TOX: variants seen among roughly 807,000 people sequenced by gnomAD.
TOX encodes thymocyte selection-associated high mobility group box protein TOX.
Under a neutral mutation model 53.7 loss-of-function variants are expected in TOX, and 11 were observed. The observed-to-expected ratio is 0.20, with a 90% confidence interval of 0.13 to 0.34. The LOEUF is 0.34. Ranked by LOEUF, TOX falls within the 10% of genes least tolerant of loss-of-function variation. TOX has a pLI of 1.00. For synonymous variants in TOX, 225 were observed against 245.3 expected, an observed-to-expected ratio of 0.92 and a Z score of 0.77; for missense variants, 570 against 664.6, an observed-to-expected ratio of 0.86 and a Z score of 1.56.
chr8:58,932,363 T>A (rs902381729), intron 3 of TOX, among the ~76,000 whole-genome samples: 1 of 152,202 alleles, frequency 6.6e-6, no homozygotes, highest in African/African-American at 2.4e-5. Context: ...ATCATTTTTC[T>A]TCTGTTAAAG....
At chr8:58,962,495 G>C (rs1246343246) in intron 1 of TOX, among the ~76,000 whole-genome samples, 1 of 152,180 alleles carries the variant, frequency 6.6e-6, no homozygotes, top group Non-Finnish European at 1.5e-5. Context: ...GAGAGGTAGG[G>C]CTGGGATGCA....
At chr8:58,870,309 C>G (rs1008430106) in intron 3 of TOX, among the ~76,000 whole-genome samples, 7 of 151,938 alleles carry the variant, frequency 4.6e-5, no homozygotes, top group Admixed American at 4.6e-4. Flanking sequence ...CAACAGCACT[C>G]CAAAAATGAA....
intron 1 of TOX, among the ~76,000 whole-genome samples, chr8:59,009,437 A>G (rs1013961074): frequency 4.6e-5 from 7 of 150,612 alleles, no homozygotes; most frequent in African/African-American, 1.7e-4. Flanking sequence ...CAGTGGTGCC[A>G]TCTCGGCTCA....
At chr8:58,950,153 A>C (rs1179557805) in intron 2 of TOX, among the ~76,000 whole-genome samples, 3 of 111,906 alleles carry the variant, frequency 2.7e-5, no homozygotes, top group Non-Finnish European at 3.7e-5. Context: ...ATACAATTAC[A>C]TGTGTATAGT....
chr8:59,043,351 A>C (rs1803627893), intron 1 of TOX, among the ~76,000 whole-genome samples: 1 of 151,804 alleles, frequency 6.6e-6, no homozygotes, highest in South Asian at 2.1e-4. Context: ...GCTTTATTTT[A>C]AATTATGTTT....
intron 1 of TOX, among the ~76,000 whole-genome samples, chr8:58,964,672 T>C (rs1410313669): frequency 6.6e-6 from 1 of 152,186 alleles, no homozygotes; most frequent in Non-Finnish European, 1.5e-5. Flanking sequence ...ATTGAATAAA[T>C]AGACTTTGTA....
intron 1 of TOX, among the ~76,000 whole-genome samples, chr8:59,084,330 T>A (rs975069474): frequency 5.3e-5 from 8 of 152,120 alleles, no homozygotes; most frequent in African/African-American, 1.9e-4. Context: ...TCTATTTACT[T>A]TTTAGAAAAA....
Position 58,956,313 on chromosome 8 carries a change from C to T in TOX, c.168+3630G>A, listed in dbSNP as rs115774427. 4.8e-3 allele frequency among the ~76,000 whole-genome samples: 725 copies of T among 152,216 alleles called. 3 individuals are homozygous for T. Among genetic ancestry groups the T allele is most frequent in the African/African-American group, 0.017 (698 of 41,540 alleles). Reference sequence around the variant, plus strand: ...GGAGATAAGAGAACCCCATAGCATGCGTATCTGAGTGGGCTGAGAAAATTC... The same window carrying T: ...GGAGATAAGAGAACCCCATAGCATGTGTATCTGAGTGGGCTGAGAAAATTC... On this transcript the variant is annotated intron_variant, in intron 2 of 8. Coordinates refer to ENST00000361421, the MANE Select transcript of TOX (RefSeq NM_014729.3).
chr8:58,996,604 T>C (rs887769510), intron 1 of TOX, among the ~76,000 whole-genome samples: 1 of 152,240 alleles, frequency 6.6e-6, no homozygotes, highest in African/African-American at 2.4e-5. Context: ...CCTTTTCCTG[T>C]ACCTTTATGT....
At chr8:59,015,238 A>G (rs963585762) in intron 1 of TOX, among the ~76,000 whole-genome samples, 3 of 152,270 alleles carry the variant, frequency 2.0e-5, no homozygotes, top group African/African-American at 7.2e-5. Context: ...TAAAATAAAT[A>G]CGATTCAGCA....
intron 3 of TOX, among the ~76,000 whole-genome samples, chr8:58,897,889 G>C (rs1195017233): frequency 6.6e-6 from 1 of 151,726 alleles, no homozygotes; most frequent in Non-Finnish European, 1.5e-5. Flanking sequence ...TGTGTCTATG[G>C]AAAAAAATTT....
At chr8:58,900,832 T>C (rs1414849554) in intron 3 of TOX, among the ~76,000 whole-genome samples, 1 of 152,134 alleles carries the variant, frequency 6.6e-6, no homozygotes, top group Non-Finnish European at 1.5e-5. Context: ...ATAAAGATCA[T>C]GTATAGTTGG....
At position 58,807,367 on chromosome 8, in the gene TOX, A is replaced by G; in HGVS notation, c.*380T>C. 1.0e-5 allele frequency: 2 copies of G among 196,724 alleles called. No homozygotes were observed. Among genetic ancestry groups the G allele is most frequent in the East Asian group, 1.2e-4 (1 of 8,428 alleles). 12.2% of individuals were successfully genotyped at this position (196,724 alleles called of 1,614,324 possible). On this transcript the variant is annotated 3_prime_UTR_variant, in exon 9 of 9. Coordinates refer to ENST00000361421, the MANE Select transcript of TOX (RefSeq NM_014729.3). ...CTTGCTATGACTGCTACATCAAGCC[A>G]TTTAAAAAGTCTTTAGTAGTTTCAT...
intron 3 of TOX, among the ~76,000 whole-genome samples, chr8:58,882,505 T>C (rs1468530755): frequency 6.6e-6 from 1 of 152,236 alleles, no homozygotes; most frequent in Non-Finnish European, 1.5e-5. Context: ...CAAAATGAGT[T>C]CCACTGAAGT....
chr8:59,041,947 T>C (rs1409735942), intron 1 of TOX, among the ~76,000 whole-genome samples: 1 of 152,226 alleles, frequency 6.6e-6, no homozygotes, highest in African/African-American at 2.4e-5. Flanking sequence ...TTATGTAAGT[T>C]TTCCTTGCAT....
intron 2 of TOX, among the ~76,000 whole-genome samples, chr8:58,943,472 T>TG (rs752809081): frequency 6.6e-6 from 1 of 152,230 alleles, no homozygotes; most frequent in East Asian, 1.9e-4. Flanking sequence ...GACTTGGGCT[T>TG]ATTTCCCTCC....
intron 1 of TOX, among the ~76,000 whole-genome samples, chr8:59,104,262 G>T (rs915081738): frequency 3.9e-5 from 6 of 151,996 alleles, no homozygotes; most frequent in East Asian, 1.9e-4. Flanking sequence ...ATCTTTTCAC[G>T]CCCCTTAATC....
intron 3 of TOX, among the ~76,000 whole-genome samples, chr8:58,858,137 A>T (rs533538194): frequency 3.3e-5 from 5 of 152,324 alleles, no homozygotes; most frequent in African/African-American, 1.2e-4. Flanking sequence ...TATTATTTTT[A>T]AAAAATGAGT....
At chr8:58,812,570 A>C (rs1810102502) in intron 7 of TOX, among the ~76,000 whole-genome samples, 1 of 152,082 alleles carries the variant, frequency 6.6e-6, no homozygotes, top group Admixed American at 6.5e-5. Flanking sequence ...TTCCTTGTCC[A>C]TCCTAGCTAA....
Sources: allele counts gnomAD v4.1 joint callset (sites outside exome capture counted in the v4.1 genomes callset), GRCh38; gene constraint gnomAD v4.1.1; transcripts MANE v1.5; gene names NCBI Gene and HGNC (gene_info 2026-07-23, HGNC 2026-07-21).